FKBP7: variants seen among roughly 807,000 people sequenced by gnomAD.
FKBP7 encodes peptidyl-prolyl cis-trans isomerase FKBP7.
A neutral mutation model predicts 24.3 loss-of-function variants in FKBP7; 24 were observed. That is an observed-to-expected ratio of 0.99 (90% CI 0.72 to 1.39). The LOEUF (loss-of-function observed/expected upper bound fraction) is 1.39, where lower values mean the gene tolerates loss of function less well. Among genes scored for constraint, FKBP7 ranks in the 40% most tolerant of loss-of-function variants. FKBP7 has a pLI of 0.00. For synonymous variants in FKBP7, 98 were observed against 92.8 expected, an observed-to-expected ratio of 1.06 and a Z score of -0.32; for missense variants, 257 against 269.5, an observed-to-expected ratio of 0.95 and a Z score of 0.33.
At chr2:178,470,156 A>G (rs1314401526) in intron 2 of FKBP7, among the ~76,000 whole-genome samples, 5 of 152,168 alleles carry the variant, frequency 3.3e-5, no homozygotes, top group African/African-American at 4.8e-5. Flanking sequence ...TGTGGATTCA[A>G]CCAGTCTCGG....
At chr2:178,475,333 G>A (rs536587776) in intron 2 of FKBP7, among the ~76,000 whole-genome samples, 8 of 152,154 alleles carry the variant, frequency 5.3e-5, no homozygotes, top group Non-Finnish European at 1.2e-4. Context: ...AGGTTCGAGC[G>A]ATTCTCCTGC....
At chr2:178,477,257 C>A in intron 1 of FKBP7, 44 bp from the exon 2 acceptor site, 2 of 1,588,924 alleles carry the variant, frequency 1.3e-6, no homozygotes, top group South Asian at 2.3e-5. Context: ...TTCAAGAAAT[C>A]AAACTTGAAA....
chr2:178,470,838 T>C (rs893263982), intron 2 of FKBP7, among the ~76,000 whole-genome samples: 3 of 152,126 alleles, frequency 2.0e-5, no homozygotes, highest in Admixed American at 2.0e-4. Context: ...ACAAAGAAAT[T>C]GTATACATTT....
At chr2:178,469,611 T>C in intron 3 of FKBP7, 41 bp downstream of exon 3, 1 of 1,607,606 alleles carries the variant, frequency 6.2e-7, no homozygotes, top group Non-Finnish European at 8.5e-7. Context: ...TAAACTGTGA[T>C]AAAAAAATTA....
chr2:178,470,868 C>A (rs1395158985), intron 2 of FKBP7, among the ~76,000 whole-genome samples: 6 of 151,960 alleles, frequency 3.9e-5, no homozygotes, highest in African/African-American at 1.4e-4. Flanking sequence ...AAGTTGAATA[C>A]CTATTTTTAT....
Position 178,473,157 on chromosome 2 carries a change from T to C in FKBP7, c.374-3372A>G, listed in dbSNP as rs371083610. On this transcript the variant is annotated intron_variant, in intron 2 of 3. Coordinates refer to ENST00000424785, the MANE Select transcript of FKBP7 (RefSeq NM_181342.3). ...TCAAGTACTACCTAAAATAAAGTTA[T>C]AGCTAATGTTAGGTCTTAATAACAA... 3.6e-5 allele frequency: 40 copies of C among 1,110,378 alleles called. No individual in the cohort carries two copies. The African/African-American group carries it at 5.8e-4, about 16-fold the overall frequency. The allele number at this position is 1,110,378 out of a possible 1,614,324, so 68.8% of individuals were successfully genotyped here. A position where few individuals can be genotyped will look rare whatever the true frequency, so the allele number is the denominator to read the frequency against.
chr2:178,466,509 T>TAAAAGTAAAA (rs1221901560), intron 3 of FKBP7, among the ~76,000 whole-genome samples: 5 of 152,114 alleles, frequency 3.3e-5, no homozygotes, highest in African/African-American at 1.2e-4. Context: ...TTAAAAGTAT[T>TAAAAGTAAAA]GTCCAATATA....
At chr2:178,476,706 T>A (rs1413288046) in intron 2 of FKBP7, among the ~76,000 whole-genome samples, 1 of 150,682 alleles carries the variant, frequency 6.6e-6, no homozygotes. Flanking sequence ...TGAATAATAT[T>A]CCATTTCATT....
In FKBP7 at chr2:178,464,504, G is replaced by C. The variant is rs1412023970; in HGVS notation, c.*1266C>G. On this transcript the variant is annotated 3_prime_UTR_variant, in exon 4 of 4. Coordinates refer to ENST00000424785, the MANE Select transcript of FKBP7 (RefSeq NM_181342.3). Reference sequence around the variant, plus strand: ...GGCGGGTGGGAGAATGAATGCAAGAGGAACTACCAAACACTTATAAAACCA... The same window carrying C: ...GGCGGGTGGGAGAATGAATGCAAGACGAACTACCAAACACTTATAAAACCA... The C allele has an allele frequency of 1.3e-5, 2 of 152,172 alleles. No individual in the cohort carries two copies. Among genetic ancestry groups the C allele is most frequent in the Non-Finnish European group, 2.9e-5 (2 of 68,044 alleles). The allele number at this position is 152,172 out of a possible 1,614,324, so 9.4% of individuals were successfully genotyped here.
At chr2:178,469,506 C>G in intron 3 of FKBP7, 146 bp downstream of exon 3, 1 of 825,786 alleles carries the variant, frequency 1.2e-6, no homozygotes, top group Non-Finnish European at 1.9e-6. Context: ...TTTCTAAGCG[C>G]TTAGATTATT....
At chr2:178,474,356 A>G (rs1684941952) in intron 2 of FKBP7, among the ~76,000 whole-genome samples, 1 of 152,216 alleles carries the variant, frequency 6.6e-6, no homozygotes. Context: ...GTTCTGCTAC[A>G]TGCAATTTTT....
Position 178,465,055 on chromosome 2 carries a change from A to T in FKBP7, c.*715T>A, listed in dbSNP as rs937361372. The T allele has an allele frequency of 6.6e-6, 1 of 152,224 alleles. No homozygotes were observed. The highest frequency in any genetic ancestry group is 1.5e-5 in the Non-Finnish European group (1 of 68,040). 9.4% of individuals were successfully genotyped at this position (152,224 alleles called of 1,614,324 possible). A position where few individuals can be genotyped will look rare whatever the true frequency, so the allele number is the denominator to read the frequency against. On this transcript the variant is annotated 3_prime_UTR_variant, in exon 4 of 4. Transcript: ENST00000424785. ...GTTTACAAGAGGGAAGAGGAGTTGC[A>T]CATTTACAATAATGTCTGAAGGAAT...
At chr2:178,468,153 G>A (rs935310879) in intron 3 of FKBP7, among the ~76,000 whole-genome samples, 7 of 152,194 alleles carry the variant, frequency 4.6e-5, no homozygotes, top group Non-Finnish European at 1.0e-4. Flanking sequence ...AATCAACCTA[G>A]TTAGCTTTTA....
At chr2:178,473,009 G>C in intron 2 of FKBP7, 2 of 1,102,656 alleles carry the variant, frequency 1.8e-6, no homozygotes, top group Non-Finnish European at 2.5e-6. Flanking sequence ...TAGGAATTAA[G>C]GTAAAGAATA....
chr2:178,469,034 A>T (rs1684769944), intron 3 of FKBP7, among the ~76,000 whole-genome samples: 1 of 151,650 alleles, frequency 6.6e-6, no homozygotes, highest in African/African-American at 2.4e-5. Context: ...ATGCCTGGCT[A>T]ATTTATTAAA....
chr2:178,469,409 A>T (rs1217555621), intron 3 of FKBP7, among the ~76,000 whole-genome samples: 1 of 152,198 alleles, frequency 6.6e-6, no homozygotes, highest in African/African-American at 2.4e-5. Context: ...GAGACAAATA[A>T]TTCGGGATTT....
intron 2 of FKBP7, among the ~76,000 whole-genome samples, chr2:178,473,305 G>C (rs1684908377): frequency 6.6e-6 from 1 of 152,176 alleles, no homozygotes; most frequent in South Asian, 2.1e-4. Context: ...TGTAACGCAG[G>C]CAAGGTCAGT....
rs192382968 is a variant in FKBP7 at position 178,476,784 on chromosome 2, T to C, written c.373+278A>G. 1.4e-3 allele frequency among the ~76,000 whole-genome samples: 214 copies of C among 151,100 alleles called. 5 individuals are homozygous for C. In the South Asian group the frequency reaches 0.022, roughly 15 times the overall value. ...CAGGCTGGTCCTGGCCTCAAGTGAT[T>C]CTACCACCTTGGCCTCCCAAAGTGT... On this transcript the variant is annotated intron_variant, in intron 2 of 3. Coordinates refer to ENST00000424785, the MANE Select transcript of FKBP7 (RefSeq NM_181342.3).
At chr2:178,470,939 G>A (rs984484539) in intron 2 of FKBP7, among the ~76,000 whole-genome samples, 5 of 150,846 alleles carry the variant, frequency 3.3e-5, no homozygotes, top group Non-Finnish European at 1.5e-5. Flanking sequence ...GTGCAGTGGT[G>A]CAATCTCCGC....
Sources: allele counts gnomAD v4.1 joint callset (sites outside exome capture counted in the v4.1 genomes callset), GRCh38; gene constraint gnomAD v4.1.1; transcripts MANE v1.5; gene names NCBI Gene and HGNC (gene_info 2026-07-23, HGNC 2026-07-21).